The following NACC2 variants were observed in gnomAD, a reference collection of about 807,000 sequenced individuals.
NACC2 encodes nucleus accumbens-associated protein 2.
A neutral mutation model predicts 25.1 loss-of-function variants in NACC2; 8 were observed. That is an observed-to-expected ratio of 0.32 (90% confidence interval 0.19 to 0.57). The LOEUF (loss-of-function observed/expected upper bound fraction) is 0.57, where lower values mean the gene tolerates loss of function less well. Among genes scored for constraint, NACC2 ranks in the 20% least tolerant of loss-of-function variants. The pLI, the probability that NACC2 is intolerant of heterozygous loss-of-function variation, is 0.89. For missense variants in NACC2, 644 were observed against 650.2 expected, an observed-to-expected ratio of 0.99 and a Z score of 0.10; for synonymous variants, 435 against 294.7, an observed-to-expected ratio of 1.48 and a Z score of -4.88.
intron 2 of NACC2, among the ~76,000 whole-genome samples, chr9:136,045,811 G>A (rs957474427): frequency 1.3e-5 from 2 of 152,150 alleles, no homozygotes; most frequent in African/African-American, 4.8e-5. Context: ...TGACCGTCTC[G>A]GCTGTTGCAG....
At chr9:136,088,677 G>T (rs551329424) in intron 1 of NACC2, among the ~76,000 whole-genome samples, 2 of 152,284 alleles carry the variant, frequency 1.3e-5, no homozygotes, top group South Asian at 4.1e-4. Flanking sequence ...AGGCATCGTG[G>T]TCTGGGGTCA....
chr9:136,008,348 G>A lies in NACC2; in HGVS notation c.*3168C>T, dbSNP rs149495917. 697 of 152,518 alleles carry A rather than the reference G, an allele frequency of 4.6e-3. No individual in the cohort carries two copies. Among genetic ancestry groups the A allele is most frequent in the Middle Eastern group, 0.02 (6 of 294 alleles). 9.4% of individuals were successfully genotyped at this position (152,518 alleles called of 1,614,324 possible). A position where few individuals can be genotyped will look rare whatever the true frequency, so the allele number is the denominator to read the frequency against. ...AAGAGGAAGGCAGGGCAGGAGAGGCGGCTAGATCCCAGGCCCACCACCTGC... is the reference window on the plus strand; with the variant it reads ...AAGAGGAAGGCAGGGCAGGAGAGGCAGCTAGATCCCAGGCCCACCACCTGC... On this transcript the variant is annotated 3_prime_UTR_variant, in exon 6 of 6. Coordinates refer to ENST00000277554, the MANE Select transcript of NACC2 (RefSeq NM_144653.5).
At chr9:136,054,708 C>A (rs948040398) in intron 1 of NACC2, among the ~76,000 whole-genome samples, 3 of 151,984 alleles carry the variant, frequency 2.0e-5, no homozygotes, top group Admixed American at 1.3e-4. Flanking sequence ...GTTTCCCCAC[C>A]ACTTTGCTTC....
At position 136,081,357 on chromosome 9, in the gene NACC2, G is replaced by A. The variant is rs28688660; in HGVS notation, c.-60+13832C>T. ...CCAACCAAGATGAAGCCAGCCACCC[G>A]CTGGGCTCCCCATGGCCCAGCCCCA... On this transcript the variant is annotated intron_variant, in intron 1 of 5. Coordinates refer to ENST00000277554, the MANE Select transcript of NACC2 (RefSeq NM_144653.5). Among the ~76,000 whole-genome samples, 371 of 152,278 alleles carry A rather than the reference G, an allele frequency of 2.4e-3. 3 individuals are homozygous for A. The highest frequency in any genetic ancestry group is 8.6e-3 in the African/African-American group (359 of 41,558).
At chr9:136,016,546 G>A in intron 2 of NACC2, 117 bp from the exon 3 acceptor site, 1 of 1,266,010 alleles carries the variant, frequency 7.9e-7, no homozygotes, top group Admixed American at 2.1e-5. Context: ...CTGCCCACCT[G>A]GGCCCAGGTG....
intron 3 of NACC2, among the ~76,000 whole-genome samples, chr9:136,015,979 T>C (rs995871006): frequency 7.1e-4 from 108 of 152,314 alleles, no homozygotes; most frequent in African/African-American, 2.6e-3. Flanking sequence ...GACTGGCAAC[T>C]ATACGTGACA....
intron 1 of NACC2, among the ~76,000 whole-genome samples, chr9:136,066,950 A>ATT (rs1841091231): frequency 6.7e-6 from 1 of 149,082 alleles, no homozygotes; most frequent in African/African-American, 2.5e-5. Context: ...AAAAGATTAA[A>ATT]AAAAAAAAAA....
At chr9:136,021,694 C>T (rs2139881) in intron 2 of NACC2, among the ~76,000 whole-genome samples, 35,962 of 152,186 alleles carry the variant, frequency 0.24, 4,851 homozygotes, top group Middle Eastern at 0.3. Flanking sequence ...CCAGGCTAGA[C>T]GCAGCCCGGA....
intron 2 of NACC2, among the ~76,000 whole-genome samples, chr9:136,043,826 G>C (rs1419121884): frequency 6.6e-6 from 1 of 152,240 alleles, no homozygotes; most frequent in South Asian, 2.1e-4. Context: ...AAATACTTTT[G>C]GTTTTTGTTT....
intron 2 of NACC2, among the ~76,000 whole-genome samples, chr9:136,043,730 C>T (rs1007411): frequency 0.017 from 2,596 of 152,340 alleles, 69 homozygotes; most frequent in African/African-American, 0.058. Flanking sequence ...TAACATTCTA[C>T]AGGAGGGAAC....
Position 136,072,955 on chromosome 9 carries a change from C to T in NACC2, c.-60+22234G>A, listed in dbSNP as rs56678073. Among the ~76,000 whole-genome samples, 355 of 152,012 alleles carry T rather than the reference C, an allele frequency of 2.3e-3. 2 individuals carry two copies. The highest frequency in any genetic ancestry group is 8.2e-3 in the African/African-American group (340 of 41,470). On this transcript the variant is annotated intron_variant, in intron 1 of 5. Coordinates refer to ENST00000277554, the MANE Select transcript of NACC2 (RefSeq NM_144653.5). ...AAGAGAATAAAATATTTGTAGAATC[C>T]GGGGCTAGGCAGAGAGTTCTTCCAT...
chr9:136,059,214 C>T (rs559280357), intron 1 of NACC2, among the ~76,000 whole-genome samples: 3 of 152,318 alleles, frequency 2.0e-5, no homozygotes, highest in South Asian at 2.1e-4. Flanking sequence ...GGCCATTCCC[C>T]GGGACTAGGG....
chr9:136,016,050 T>G (rs1172668857), intron 3 of NACC2, among the ~76,000 whole-genome samples: 1 of 152,200 alleles, frequency 6.6e-6, no homozygotes, highest in Non-Finnish European at 1.5e-5. Context: ...CAATCAGGAA[T>G]GCGACCAGCC....
In NACC2 at chr9:136,093,022, G is replaced by A. The variant is rs529197967; in HGVS notation, c.-60+2167C>T. The stretch of plus-strand genomic sequence containing the variant: ...GGCTCTGCCCCACTGACGGTGGCTG[G>A]GGCCACTGGGCACTCGGTGCCCTGT... On this transcript the variant is annotated intron_variant, in intron 1 of 5. Transcript: ENST00000277554. 6.7e-4 allele frequency among the ~76,000 whole-genome samples: 102 copies of A among 152,218 alleles called. 2 individuals carry two copies. The highest frequency in any genetic ancestry group is 3.3e-4 in the Admixed American group (5 of 15,274).
rs1158507283 is a variant in NACC2, at chr9:136,069,659, TAAAAG to T, written c.-59-19084_-59-19080del. On this transcript the variant is annotated intron_variant, in intron 1 of 5. Coordinates refer to ENST00000277554, the MANE Select transcript of NACC2 (RefSeq NM_144653.5). ...TAGAAAAAGATAAATTATGCAAACA[TAAAAG>T]AAAGCAAGGGTTGTTTTACTTCAAA... Among the ~76,000 whole-genome samples the T allele has an allele frequency of 2.6e-5, 4 of 151,832 alleles. No individual in the cohort carries two copies. In the East Asian group the frequency reaches 7.7e-4, roughly 29 times the overall value.
chr9:136,011,320 G>A lies in NACC2; in HGVS notation c.*196C>T. 1 of 554,354 alleles carries A rather than the reference G, an allele frequency of 1.8e-6. No individual in the cohort carries two copies. 34.3% of individuals were successfully genotyped at this position (554,354 alleles called of 1,614,324 possible). On this transcript the variant is annotated 3_prime_UTR_variant, in exon 6 of 6. Coordinates refer to ENST00000277554, the MANE Select transcript of NACC2 (RefSeq NM_144653.5). ...GGAACTTCCTCGCAGGAGGCTGCCA[G>A]TGGCCTAATTGTTTACAGTATAATG... is the stretch of plus-strand genomic sequence containing the variant.
chr9:136,094,230 C>T (rs2131196137), intron 1 of NACC2, among the ~76,000 whole-genome samples: 1 of 152,328 alleles, frequency 6.6e-6, no homozygotes, highest in Middle Eastern at 3.4e-3. Context: ...CACCTCCAAT[C>T]CGGAGGCCCC....
intron 2 of NACC2, among the ~76,000 whole-genome samples, chr9:136,033,574 C>T (rs1564225313): frequency 1.5e-5 from 2 of 135,110 alleles, no homozygotes; most frequent in East Asian, 2.5e-4. Context: ...CGCTTGAATT[C>T]GGGAGTTGGA....
chr9:136,094,083 C>T (rs1027172225), intron 1 of NACC2, among the ~76,000 whole-genome samples: 17 of 152,210 alleles, frequency 1.1e-4, no homozygotes, highest in African/African-American at 4.1e-4. Flanking sequence ...GGCAGCTCCA[C>T]GGGATGGGAG....
Sources: allele counts gnomAD v4.1 joint callset (sites outside exome capture counted in the v4.1 genomes callset), GRCh38; gene constraint gnomAD v4.1.1; transcripts MANE v1.5; gene names NCBI Gene and HGNC (gene_info 2026-07-23, HGNC 2026-07-21).